Variants in SPTBN1 observed in about 807,000 individuals in gnomAD.
The protein encoded by SPTBN1 is spectrin beta, non-erythrocytic 1, also known as spectrin beta chain, non-erythrocytic 1.
SPTBN1 carries 32 observed loss-of-function variants against 266.4 expected under a neutral mutation model. That is an observed-to-expected ratio of 0.12 (90% confidence interval 0.09 to 0.16). SPTBN1 has a LOEUF of 0.16. Ranked by LOEUF, SPTBN1 falls within the 10% of genes least tolerant of loss-of-function variation. The pLI is 1.00. For missense variants in SPTBN1, 2,296 were observed against 3,067.1 expected, an observed-to-expected ratio of 0.75 and a Z score of 5.94; for synonymous variants, 1,336 against 1,162.2, an observed-to-expected ratio of 1.15 and a Z score of -3.04.
chr2:54,552,878 G>A (rs1162323751), intron 2 of SPTBN1, among the ~76,000 whole-genome samples: 2 of 152,242 alleles, frequency 1.3e-5, no homozygotes, highest in South Asian at 2.1e-4. Flanking sequence ...TCTAAGAGTA[G>A]TGTGAGTCGT....
rs972264550 is a variant in SPTBN1 at position 54,506,079 on chromosome 2, G to A, written c.-47-20293G>A. ...GTGGAGCTTGCAGTGAGCCAAGATC[G>A]CGCCACTGCACTCCAGCCTGGGCAA... On this transcript the variant is annotated intron_variant, in intron 1 of 35. Coordinates refer to ENST00000356805, the MANE Select transcript of SPTBN1 (RefSeq NM_003128.3). Among the ~76,000 whole-genome samples the A allele has an allele frequency of 3.2e-4, 48 of 152,094 alleles. 1 individual carries two copies. Among genetic ancestry groups the A allele is most frequent in the African/African-American group, 1.0e-3 (43 of 41,476 alleles).
At position 54,485,152 on chromosome 2, in the gene SPTBN1, C is replaced by CTCTCCCTCTCCCTCTCCCTCTCCCTCCG. The variant is rs1668288711; in HGVS notation, c.-48+28654_-48+28655insTCCCTCCGTCTCCCTCTCCCTCTCCCTC. On this transcript the variant is annotated intron_variant, in intron 1 of 35. Coordinates refer to ENST00000356805, the MANE Select transcript of SPTBN1 (RefSeq NM_003128.3). ...AAATATTGAAAACAATCGCCTCTCC[C>CTCTCCCTCTCCCTCTCCCTCTCCCTCCG]TCTCCCTCTCCCTCTCCCTCCGTCT... is the stretch of plus-strand genomic sequence containing the variant. 4.7e-5 allele frequency among the ~76,000 whole-genome samples: 7 copies of CTCTCCCTCTCCCTCTCCCTCTCCCTCCG among 149,298 alleles called. No homozygotes were observed. In the South Asian group the frequency reaches 1.1e-3, roughly 23 times the overall value.
At chr2:54,652,879 T>C (rs2104135548) in intron 26 of SPTBN1, 1 of 41,532 alleles carries the variant, frequency 2.4e-5, no homozygotes, top group Non-Finnish European at 6.4e-5. Flanking sequence ...TTTTTTTCTT[T>C]TCTTTCTTTC....
chr2:54,496,557 A>G (rs1030012011), intron 1 of SPTBN1, among the ~76,000 whole-genome samples: 5 of 152,156 alleles, frequency 3.3e-5, no homozygotes, highest in Admixed American at 6.5e-5. Context: ...TTTAGTCATC[A>G]AAACAGTTCT....
In SPTBN1 at chr2:54,626,371, A is replaced by G. The variant is rs1267960961; in HGVS notation, c.1644+137A>G. 1 of 1,124,172 alleles carries G rather than the reference A, an allele frequency of 8.9e-7. No individual in the cohort carries two copies. Among genetic ancestry groups the G allele is most frequent in the Admixed American group, 2.8e-5 (1 of 35,258 alleles). 69.6% of individuals were successfully genotyped at this position (1,124,172 alleles called of 1,614,324 possible). A position where few individuals can be genotyped will look rare whatever the true frequency, so the allele number is the denominator to read the frequency against. ...ACATGTACAGCTAGAGAGGAGCCAC[A>G]TCACCCATGGGAAGATTGCTAGCTC... On this transcript the variant is annotated intron_variant, in intron 12 of 35. Transcript: ENST00000356805. The surrounding 1 kb of genome is among the most constrained non-coding windows in gnomAD (Gnocchi z 4.7).
intron 2 of SPTBN1, among the ~76,000 whole-genome samples, chr2:54,543,790 C>T (rs554277742): frequency 6.6e-6 from 1 of 152,046 alleles, no homozygotes; most frequent in East Asian, 1.9e-4. Flanking sequence ...CCCTCCCACC[C>T]CAAAAAAAAT....
At chr2:54,547,272 T>C (rs1672301196) in intron 2 of SPTBN1, among the ~76,000 whole-genome samples, 1 of 152,248 alleles carries the variant, frequency 6.6e-6, no homozygotes, top group Admixed American at 6.5e-5. Flanking sequence ...TCCTCAAGCT[T>C]CATCCATGTT....
chr2:54,658,053 G>A lies in SPTBN1; in HGVS notation c.6243+7G>A, dbSNP rs370802692. 1.2e-6 allele frequency: 2 copies of A among 1,614,160 alleles called. No individual in the cohort carries two copies. Among genetic ancestry groups the A allele is most frequent in the East Asian group, 2.2e-5 (1 of 44,890 alleles). On this transcript the variant is annotated splice_region_variant and intron_variant, in intron 30 of 35. Transcript: ENST00000356805. ...CCTGGAAAGGCTGACTACAGTAAGT[G>A]GCCGCTGGGCCCTTTGTCTGTTGGT...
At chr2:54,573,794 CAG>C (rs1674258705) in intron 2 of SPTBN1, among the ~76,000 whole-genome samples, 1 of 152,152 alleles carries the variant, frequency 6.6e-6, no homozygotes, top group Admixed American at 6.5e-5. Context: ...ACTAGGGCCA[CAG>C]GGGTGTAATT....
chr2:54,615,776 A>G (rs904042788), intron 4 of SPTBN1, among the ~76,000 whole-genome samples: 12 of 152,214 alleles, frequency 7.9e-5, no homozygotes, highest in Middle Eastern at 3.2e-3. Flanking sequence ...CACTTGCTCT[A>G]ATAGTTTGGA....
At chr2:54,555,768 C>G (rs1452180917) in intron 2 of SPTBN1, among the ~76,000 whole-genome samples, 4 of 152,190 alleles carry the variant, frequency 2.6e-5, no homozygotes, top group Non-Finnish European at 5.9e-5. Context: ...GTGCTGTTTC[C>G]TGGGCATCCA....
intron 2 of SPTBN1, among the ~76,000 whole-genome samples, chr2:54,537,318 T>A (rs187664464): frequency 6.6e-6 from 1 of 152,344 alleles, no homozygotes; most frequent in African/African-American, 2.4e-5. Context: ...GTAGTTCAAA[T>A]GTCTGTAAGG....
intron 2 of SPTBN1, among the ~76,000 whole-genome samples, chr2:54,537,825 T>G (rs573226748): frequency 6.6e-6 from 1 of 152,290 alleles, no homozygotes; most frequent in South Asian, 2.1e-4. Flanking sequence ...CCACCTTTCA[T>G]TTTTTCTGGT....
rs982566899 is a variant in SPTBN1, at chr2:54,540,649, G to T, written c.148+14083G>T. 6.6e-6 allele frequency: 1 copy of T among 152,154 alleles called. No homozygotes were observed. The highest frequency in any genetic ancestry group is 2.4e-5 in the African/African-American group (1 of 41,416). The allele number at this position is 152,154 out of a possible 1,614,324, so 9.4% of individuals were successfully genotyped here. A position where few individuals can be genotyped will look rare whatever the true frequency, so the allele number is the denominator to read the frequency against. ...GCACTCAGTAGAGGGCATCTCTAAA[G>T]AAACTATCTCCCCAAGGTTGGCCTG... On this transcript the variant is annotated intron_variant, in intron 2 of 35. Coordinates refer to ENST00000356805, the MANE Select transcript of SPTBN1 (RefSeq NM_003128.3). This position sits in a 1 kb window ranked among gnomAD's most constrained non-coding sequence, Gnocchi z 5.6.
rs1681514639 is a variant in SPTBN1 at position 54,668,373 on chromosome 2, A to G, written c.6899A>G (p.Gln2300Arg). The G allele has an allele frequency of 1.9e-6, 3 of 1,614,146 alleles. No homozygotes were observed. The highest frequency in any genetic ancestry group is 3.3e-4 in the Middle Eastern group (2 of 6,060). Residue 2300 changes from glutamine to arginine, a missense_variant, in exon 36 of 36, where the codon CAG (glutamine) becomes CGG (arginine). Physicochemically the swap from Gln to Arg is conservative, Grantham distance 43. Transcript: ENST00000356805. The part of the protein sequence containing the change: ...KDDEEMNTWI[Q>R]AISSAISSDK... ...CAGGAGGAAATGAACACATGGATCC[A>G]GGCTATCTCTTCCGCCATCTCCTCT...
intron 2 of SPTBN1, among the ~76,000 whole-genome samples, chr2:54,553,556 A>G (rs1672698241): frequency 1.3e-5 from 2 of 152,266 alleles, no homozygotes; most frequent in South Asian, 4.1e-4. Flanking sequence ...ATCCAATGCC[A>G]AGGGACTTGA....
intron 1 of SPTBN1, among the ~76,000 whole-genome samples, chr2:54,506,204 T>A (rs1669546958): frequency 6.6e-6 from 1 of 152,106 alleles, no homozygotes; most frequent in Non-Finnish European, 1.5e-5. Flanking sequence ...ATAATTTGAA[T>A]CCTCTCTTGG....
intron 27 of SPTBN1, among the ~76,000 whole-genome samples, chr2:54,654,866 G>T (rs1357000055): frequency 5.3e-5 from 8 of 152,194 alleles, no homozygotes; most frequent in Admixed American, 5.2e-4. Context: ...CTACAGTTTG[G>T]TTACCTGGCT....
At chr2:54,635,879 C>G (rs1679087389) in intron 17 of SPTBN1, among the ~76,000 whole-genome samples, 1 of 152,226 alleles carries the variant, frequency 6.6e-6, no homozygotes. Context: ...TTTTGACATT[C>G]CTAACCCATC....
Sources: gnomAD v4.1 joint callset for allele counts (sites outside exome capture counted in the v4.1 genomes callset) on GRCh38, gnomAD v4.1.1 for gene constraint, Gnocchi (gnomAD v3.1) non-coding constraint, MANE v1.5 for transcripts, NCBI Gene and HGNC (gene_info 2026-07-23, HGNC 2026-07-21) for gene names.